The following GPC5 variants were observed in gnomAD, a reference collection of about 807,000 sequenced individuals.
GPC5 encodes the protein glypican-5.
Under a neutral mutation model 53.9 loss-of-function variants are expected in GPC5, and 47 were observed. The ratio of observed to expected loss-of-function variants is 0.87; its 90% confidence interval spans 0.69 to 1.11. GPC5 has a LOEUF of 1.11. Among genes scored for constraint, GPC5 ranks in the 50% most tolerant of loss-of-function variants. The probability of loss-of-function intolerance (pLI) is 0.00; values close to 1 mark genes in which losing one functional copy is unlikely to be tolerated. For synonymous variants in GPC5, 286 were observed against 263.3 expected (o/e 1.09, Z -0.84); for missense variants, 748 against 713.1 (o/e 1.05, Z -0.56).
chr13:92,368,055 G>A (rs979480515), intron 7 of GPC5, among the ~76,000 whole-genome samples: 1 of 152,204 alleles, frequency 6.6e-6, no homozygotes, highest in South Asian at 2.1e-4. Context: ...CATGATCTCG[G>A]CTCACTGCAA....
intron 7 of GPC5, among the ~76,000 whole-genome samples, chr13:92,570,699 C>T (rs1448386105): frequency 4.0e-5 from 6 of 151,884 alleles, no homozygotes; most frequent in Admixed American, 2.0e-4. Context: ...GAGGAAAATC[C>T]ATATACAACC....
At chr13:92,326,868 G>T (rs9561011) in intron 7 of GPC5, among the ~76,000 whole-genome samples, 2 of 152,086 alleles carry the variant, frequency 1.3e-5, no homozygotes, top group East Asian at 3.9e-4. Context: ...ATCTGCATCA[G>T]GCTCTATGGT....
chr13:91,907,255 T>C (rs2039562939), intron 5 of GPC5, among the ~76,000 whole-genome samples: 1 of 148,988 alleles, frequency 6.7e-6, no homozygotes, highest in African/African-American at 2.4e-5. Flanking sequence ...CAAAAAGAAA[T>C]GTGTTCAAGC....
At chr13:92,476,882 T>A (rs1259230549) in intron 7 of GPC5, among the ~76,000 whole-genome samples, 1 of 108,658 alleles carries the variant, frequency 9.2e-6, no homozygotes, top group African/African-American at 3.6e-5. Context: ...TATCACACTC[T>A]GGGGACTGTT....
At chr13:92,003,324 A>G (rs12877010) in intron 6 of GPC5, among the ~76,000 whole-genome samples, 1 of 36,730 alleles carries the variant, frequency 2.7e-5, no homozygotes, top group African/African-American at 6.0e-5. Flanking sequence ...CTGTCTTAAC[A>G]CAAAAAAAAA....
At chr13:91,676,620 C>T (rs867438498) in intron 2 of GPC5, among the ~76,000 whole-genome samples, 15 of 152,066 alleles carry the variant, frequency 9.9e-5, no homozygotes, top group South Asian at 6.2e-4. Flanking sequence ...TTTGTACCCT[C>T]CCTCACACAG....
chr13:92,807,649 A>C (rs372103650), intron 7 of GPC5, among the ~76,000 whole-genome samples: 3 of 152,242 alleles, frequency 2.0e-5, no homozygotes, highest in Admixed American at 6.6e-5. Context: ...TGTTTATAGA[A>C]TAGCTTGGCA....
intron 7 of GPC5, among the ~76,000 whole-genome samples, chr13:92,777,677 C>T (rs941134055): frequency 6.6e-6 from 1 of 152,174 alleles, no homozygotes; most frequent in Non-Finnish European, 1.5e-5. Context: ...TTGGTAAATG[C>T]CTTCAAATGT....
intron 7 of GPC5, among the ~76,000 whole-genome samples, chr13:92,315,305 G>A (rs962251736): frequency 1.5e-4 from 23 of 152,132 alleles, no homozygotes; most frequent in African/African-American, 4.8e-4. Context: ...GGAGATTCGG[G>A]TAGGATAAAT....
At chr13:91,846,395 A>G (rs1054701338) in intron 5 of GPC5, among the ~76,000 whole-genome samples, 1 of 152,166 alleles carries the variant, frequency 6.6e-6, no homozygotes, top group African/African-American at 2.4e-5. Context: ...TGAGTTGTAC[A>G]TAAGGGTTTT....
intron 6 of GPC5, among the ~76,000 whole-genome samples, chr13:91,931,495 C>G (rs1322663682): frequency 6.6e-6 from 1 of 151,956 alleles, no homozygotes; most frequent in African/African-American, 2.4e-5. Flanking sequence ...GTCAGACATC[C>G]TTGTTCACAT....
chr13:92,829,449 G>T (rs1273682509), intron 7 of GPC5, among the ~76,000 whole-genome samples: 1 of 152,110 alleles, frequency 6.6e-6, no homozygotes, highest in Non-Finnish European at 1.5e-5. Flanking sequence ...TTTCTGAATT[G>T]CTGAATGTAG....
intron 7 of GPC5, among the ~76,000 whole-genome samples, chr13:92,468,345 G>T (rs918515861): frequency 6.6e-6 from 1 of 152,108 alleles, no homozygotes; most frequent in African/African-American, 2.4e-5. Context: ...TAGAGAAAAG[G>T]TCTGTCTCAC....
chr13:91,813,469 T>C (rs2038346690), intron 5 of GPC5, among the ~76,000 whole-genome samples: 2 of 152,210 alleles, frequency 1.3e-5, no homozygotes, highest in Non-Finnish European at 2.9e-5. Flanking sequence ...AGTGAGAACC[T>C]CCAGACCTCA....
intron 6 of GPC5, among the ~76,000 whole-genome samples, chr13:91,972,115 G>C (rs2040248467): frequency 6.6e-6 from 1 of 152,224 alleles, no homozygotes; most frequent in South Asian, 2.1e-4. Context: ...CTCTTTGTAG[G>C]TCACTAAGGA....
intron 7 of GPC5, among the ~76,000 whole-genome samples, chr13:92,799,383 TTAGA>T (rs1195856551): frequency 6.6e-6 from 1 of 151,830 alleles, no homozygotes; most frequent in African/African-American, 2.4e-5. Context: ...CCTGCATAAT[TTAGA>T]TATTGTTCTT....
chr13:92,404,855 G>A (rs76713808), intron 7 of GPC5, among the ~76,000 whole-genome samples: 5 of 149,620 alleles, frequency 3.3e-5, no homozygotes, highest in Admixed American at 2.7e-4. Flanking sequence ...TATTTATTAA[G>A]GTGGTACTTT....
chr13:92,445,671 T>G (rs2139392076), intron 7 of GPC5, among the ~76,000 whole-genome samples: 1 of 151,974 alleles, frequency 6.6e-6, no homozygotes, highest in East Asian at 1.9e-4. Context: ...CTGCATAGTA[T>G]TCCATGGTGT....
intron 6 of GPC5, among the ~76,000 whole-genome samples, chr13:92,086,205 G>A (rs773014534): frequency 1.3e-5 from 2 of 152,148 alleles, no homozygotes; most frequent in Non-Finnish European, 2.9e-5. Flanking sequence ...CCACCTCCTT[G>A]AGATTCATGT....
Sources: allele counts gnomAD v4.1 joint callset (sites outside exome capture counted in the v4.1 genomes callset), GRCh38; gene constraint gnomAD v4.1.1; transcripts MANE v1.5; gene names NCBI Gene and HGNC (gene_info 2026-07-23, HGNC 2026-07-21).